Variants in LIPG observed in about 807,000 individuals in gnomAD.
LIPG encodes the protein endothelial lipase.
LIPG carries 34 observed loss-of-function variants against 51.8 expected under a neutral mutation model. That is an observed-to-expected ratio of 0.66 (90% confidence interval 0.50 to 0.87). LIPG has a LOEUF of 0.87. LIPG is among the 40% of genes least tolerant of loss of function. The pLI, the probability that LIPG is intolerant of heterozygous loss-of-function variation, is 0.00. For missense variants in LIPG, 580 were observed against 652.7 expected (o/e 0.89, Z 1.21); for synonymous variants, 246 against 246.1 (o/e 1.00, Z 0.00).
rs1361682317 is a variant in LIPG at position 49,591,297 on chromosome 18, G to A, written c.*775G>A. 1 of 152,306 alleles carries A rather than the reference G, an allele frequency of 6.6e-6. No individual in the cohort carries two copies. The highest frequency in any genetic ancestry group is 1.9e-4 in the East Asian group (1 of 5,196). 9.4% of individuals were successfully genotyped at this position (152,306 alleles called of 1,614,324 possible). A position where few individuals can be genotyped will look rare whatever the true frequency, so the allele number is the denominator to read the frequency against. On this transcript the variant is annotated 3_prime_UTR_variant, in exon 10 of 10. Coordinates refer to ENST00000261292, the MANE Select transcript of LIPG (RefSeq NM_006033.4). ...GAAAGGCACCTGGGGCCTGGGGGAG[G>A]CTATAGGATATAAGCATTAGGGACC...
Position 49,581,605 on chromosome 18 carries a change from C to A in LIPG, c.984C>A (p.Asn328Lys), listed in dbSNP as rs749070239. The change falls in exon 6 of 10, where the codon AAC becomes AAA. Residue 328 changes from asparagine (N) to lysine (K), a missense_variant. Transcript: ENST00000261292. ...GCTACAATGCCAAGAAAATGAGGAACAAGAGGAACAGCAAAATGTACCTAA... is the reference window on the plus strand; with the variant it reads ...GCTACAATGCCAAGAAAATGAGGAAAAAGAGGAACAGCAAAATGTACCTAA... The part of the protein sequence containing the change: ...SIGYNAKKMR[N>K]KRNSKMYLKT... The A allele has an allele frequency of 8.1e-6, 13 of 1,614,182 alleles. No individual in the cohort carries two copies. Among genetic ancestry groups the A allele is most frequent in the Non-Finnish European group, 1.1e-5 (13 of 1,180,036 alleles).
At position 49,567,444 on chromosome 18, in the gene LIPG, G is replaced by T. The variant is rs2084617440; in HGVS notation, c.282G>T (p.Met94Ile). ...ACAACTTCCACTTTTCTCTGCAGAT[G>T]AGCGGTATCTTTGAAAACTGGCTGC... Reference protein sequence around the residue: ...KTFFIIHGWTMSGIFENWLHK... With the variant: ...KTFFIIHGWTISGIFENWLHK... The change falls in exon 3 of 10, where the codon ATG becomes ATT. Residue 94 changes from methionine to isoleucine, a missense_variant and splice_region_variant. Transcript: ENST00000261292. 8 of 1,613,908 alleles carry T rather than the reference G, an allele frequency of 5.0e-6. No individual in the cohort carries two copies. Among genetic ancestry groups the T allele is most frequent in the African/African-American group, 1.3e-5 (1 of 74,924 alleles).
Position 49,590,636 on chromosome 18 carries a change from C to A in LIPG, c.*114C>A. On this transcript the variant is annotated 3_prime_UTR_variant, in exon 10 of 10. Transcript: ENST00000261292. Reference sequence around the variant, plus strand: ...ATGGAAGGATTCTTCTCAGCCTTGACCCTGGAGCACTGGGAACAACTGGTC... The same window carrying A: ...ATGGAAGGATTCTTCTCAGCCTTGAACCTGGAGCACTGGGAACAACTGGTC... The A allele has an allele frequency of 1.8e-6, 2 of 1,121,458 alleles. No homozygotes were observed. The highest frequency in any genetic ancestry group is 2.6e-6 in the Non-Finnish European group (2 of 758,582). 69.5% of individuals were successfully genotyped at this position (1,121,458 alleles called of 1,614,324 possible).
chr18:49,582,242 TG>T, intron 6 of LIPG, 119 bp from the exon 7 acceptor site: 1 of 1,247,712 alleles, frequency 8.0e-7, no homozygotes, highest in Non-Finnish European at 1.2e-6. Flanking sequence ...GGCTGCAGGC[TG>T]GGCTCAACCA....
chr18:49,567,349 T>C (rs1644368784), intron 2 of LIPG, 93 bp from the exon 3 acceptor site: 1 of 1,310,452 alleles, frequency 7.6e-7, no homozygotes, highest in South Asian at 1.3e-5. Context: ...AAAAAAAAAA[T>C]TAATTGGGAA....
chr18:49,578,980 TCC>T (rs2084771275), intron 5 of LIPG, among the ~76,000 whole-genome samples: 1 of 120,168 alleles, frequency 8.3e-6, no homozygotes, highest in South Asian at 3.1e-4. Context: ...CAGCTTCGGC[TCC>T]ACATGAGAGG....
intron 7 of LIPG, 66 bp downstream of exon 7, chr18:49,582,548 A>G: frequency 6.2e-7 from 1 of 1,602,990 alleles, no homozygotes; most frequent in Non-Finnish European, 8.5e-7. Flanking sequence ...ATGAGAGAGC[A>G]CAAGGGAGCG....
At chr18:49,586,691 C>A in intron 8 of LIPG, 55 bp from the exon 9 acceptor site, 3 of 1,298,420 alleles carry the variant, frequency 2.3e-6, no homozygotes, top group Non-Finnish European at 3.4e-6. Flanking sequence ...CTAGAAAGCA[C>A]AGCTGGATTC....
At chr18:49,578,804 C>T (rs928766461) in intron 5 of LIPG, among the ~76,000 whole-genome samples, 5 of 151,278 alleles carry the variant, frequency 3.3e-5, no homozygotes, top group East Asian at 2.0e-4. Flanking sequence ...GCGGATCACT[C>T]GCGGTTAGGG....
chr18:49,562,729 G>A (rs752372386), intron 1 of LIPG, among the ~76,000 whole-genome samples: 1 of 151,592 alleles, frequency 6.6e-6, no homozygotes, highest in Non-Finnish European at 1.5e-5. Flanking sequence ...CAGCAGCTCT[G>A]AAACCTTGTC....
chr18:49,565,437 C>T lies in LIPG; in HGVS notation c.218C>T (p.Pro73Leu), dbSNP rs61729804. Residue 73 changes from proline to leucine, a missense_variant, in exon 2 of 10, where the codon CCC becomes CTC. By Grantham distance (98) the Pro-to-Leu change is moderately conservative (BLOSUM62 -3). Transcript: ENST00000261292. ...GCYLSVGHSQPLEDCSFNMTA... is the reference protein window; with the variant it reads ...GCYLSVGHSQLLEDCSFNMTA... ...TACCTCTCCGTCGGCCACAGCCAGC[C>T]CTTAGAAGACTGCAGTTTCAACATG... 2.5e-4 allele frequency: 400 copies of T among 1,614,200 alleles called. No individual in the cohort carries two copies. The African/African-American group carries it at 4.8e-3, about 19-fold the overall frequency.
chr18:49,585,548 CAAAT>C (rs768029019), intron 8 of LIPG, among the ~76,000 whole-genome samples: 4 of 152,204 alleles, frequency 2.6e-5, no homozygotes, highest in African/African-American at 4.8e-5. Flanking sequence ...CACCATTGCA[CAAAT>C]AGTTTTGCCA....
chr18:49,582,404 A>C lies in LIPG; in HGVS notation c.1079A>C (p.Asn360Thr). 6.2e-7 allele frequency: 1 copy of C among 1,614,174 alleles called. No homozygotes were observed. The highest frequency in any genetic ancestry group is 8.5e-7 in the Non-Finnish European group (1 of 1,179,984). The change falls in exon 7 of 10, where the codon AAC becomes ACC. Residue 360 changes from asparagine (N) to threonine (T), a missense_variant. Transcript: ENST00000261292. ...AAAATCCATGTCTTCAGTTACAAGA[A>C]CATGGGAGAAATTGAGCCCACCTTT... ...QMKIHVFSYK[N>T]MGEIEPTFYV...
intron 5 of LIPG, among the ~76,000 whole-genome samples, chr18:49,580,872 T>G (rs1222673371): frequency 6.6e-6 from 1 of 152,178 alleles, no homozygotes; most frequent in Non-Finnish European, 1.5e-5. Context: ...TCGTGCTGTC[T>G]TCCCATCAAG....
chr18:49,586,481 G>GCCAT (rs10639757), intron 8 of LIPG, among the ~76,000 whole-genome samples: 78,357 of 151,638 alleles, frequency 0.52, 20,813 homozygotes, highest in Middle Eastern at 0.7. Flanking sequence ...ATGGCCTTGA[G>GCCAT]AGGCAGGTGG....
upstream of LIPG, chr18:49,561,733 A>T: frequency 8.0e-7 from 1 of 1,244,662 alleles, no homozygotes; most frequent in Non-Finnish European, 1.0e-6. Context: ...GCAGAGTTTC[A>T]GGGAAATGTC....
intron 5 of LIPG, among the ~76,000 whole-genome samples, chr18:49,578,905 G>A (rs1224470513): frequency 1.3e-4 from 19 of 146,652 alleles, no homozygotes; most frequent in Admixed American, 7.5e-4. Context: ...GCAGGCACTC[G>A]GCAGGCTGAG....
chr18:49,583,642 C>A lies in LIPG; in HGVS notation c.1244C>A (p.Thr415Asn), dbSNP rs957601708. ...GGAGACCTCTTGAAGATCCAGCTCA[C>A]CTGGGAGGGGGCCTCTCAGTCTTGG... ...DLGDLLKIQL[T>N]WEGASQSWYN... Residue 415 changes from threonine to asparagine, a missense_variant, in exon 8 of 10, where the codon ACC becomes AAC. Coordinates refer to ENST00000261292, the MANE Select transcript of LIPG (RefSeq NM_006033.4). The A allele has an allele frequency of 6.2e-7, 1 of 1,614,078 alleles. No individual in the cohort carries two copies. Among genetic ancestry groups the A allele is most frequent in the Non-Finnish European group, 8.5e-7 (1 of 1,180,052 alleles).
intron 5 of LIPG, among the ~76,000 whole-genome samples, chr18:49,579,797 T>TCCTTTC (rs1568533586): frequency 3.2e-4 from 32 of 99,934 alleles, no homozygotes; most frequent in African/African-American, 8.5e-4. Context: ...TCTTTTCTTT[T>TCCTTTC]CTTTTCTTTT....
Sources: gnomAD v4.1 joint callset for allele counts (sites outside exome capture counted in the v4.1 genomes callset) on GRCh38, gnomAD v4.1.1 for gene constraint, MANE v1.5 for transcripts, NCBI Gene and HGNC (gene_info 2026-07-23, HGNC 2026-07-21) for gene names.